The following LRP1B variants were observed in gnomAD, a reference collection of about 807,000 sequenced individuals.
LRP1B encodes the protein LDL receptor related protein 1B, also known as low-density lipoprotein receptor-related protein 1B.
In LRP1B, 217 loss-of-function variants were observed where a neutral mutation model predicts 556.6. That is an observed-to-expected ratio of 0.39 (90% CI 0.35 to 0.44). The LOEUF (loss-of-function observed/expected upper bound fraction) is 0.44, where lower values mean the gene tolerates loss of function less well. Among genes scored for constraint, LRP1B ranks in the 20% least tolerant of loss-of-function variants. The pLI, the probability that LRP1B is intolerant of heterozygous loss-of-function variation, is 1.00. For synonymous variants in LRP1B, 2,047 were observed against 1,865.8 expected, an observed-to-expected ratio of 1.10 and a Z score of -2.50; for missense variants, 5,053 against 5,620.8, an observed-to-expected ratio of 0.90 and a Z score of 3.23.
intron 2 of LRP1B, among the ~76,000 whole-genome samples, chr2:141,639,335 T>C (rs1186103796): frequency 2.3e-4 from 4 of 17,554 alleles, no homozygotes; most frequent in Non-Finnish European, 4.4e-4. Flanking sequence ...TATATATATA[T>C]ATATATATAT....
At chr2:140,892,633 T>C (rs1348304986) in intron 23 of LRP1B, among the ~76,000 whole-genome samples, 2 of 152,150 alleles carry the variant, frequency 1.3e-5, no homozygotes, top group African/African-American at 2.4e-5. Flanking sequence ...TACTTAGTCA[T>C]TGTAAGTAGA....
chr2:140,258,748 AGAG>A (rs1162638867), intron 86 of LRP1B, among the ~76,000 whole-genome samples: 1 of 152,158 alleles, frequency 6.6e-6, no homozygotes, highest in African/African-American at 2.4e-5. Context: ...AAAGAGGTTC[AGAG>A]AAGAACAATT....
intron 86 of LRP1B, among the ~76,000 whole-genome samples, chr2:140,266,071 A>G (rs1316812695): frequency 6.6e-6 from 1 of 151,980 alleles, no homozygotes; most frequent in Non-Finnish European, 1.5e-5. Context: ...GAATAGTGCA[A>G]AATAGTCTTC....
chr2:140,437,938 T>TATAACATGATACTTGTTATATAACTTAC (rs1686257200), intron 66 of LRP1B, among the ~76,000 whole-genome samples: 2 of 151,954 alleles, frequency 1.3e-5, no homozygotes, highest in African/African-American at 2.4e-5. Flanking sequence ...ATATAACTTA[T>TATAACATGATACTTGTTATATAACTTAC]ATAACATGAT....
chr2:140,251,674 CCTTT>C (rs1238644141), intron 86 of LRP1B, among the ~76,000 whole-genome samples: 2 of 151,710 alleles, frequency 1.3e-5, no homozygotes, highest in East Asian at 2.0e-4. Context: ...TTAATATACC[CCTTT>C]CTTTCTCTAC....
intron 15 of LRP1B, among the ~76,000 whole-genome samples, chr2:140,999,680 G>A (rs935463319): frequency 6.6e-6 from 1 of 152,006 alleles, no homozygotes; most frequent in African/African-American, 2.4e-5. Context: ...ACTGAAGCGT[G>A]TGCTTAGCTA....
At chr2:140,284,862 CTCTATGTATATA>C (rs1683066684) in intron 84 of LRP1B, among the ~76,000 whole-genome samples, 1 of 150,802 alleles carries the variant, frequency 6.6e-6, no homozygotes, top group Non-Finnish European at 1.5e-5. Context: ...GTGTAGAAAT[CTCTATGTATATA>C]TCTATCTATA....
At chr2:141,666,882 T>A (rs981982515) in intron 2 of LRP1B, among the ~76,000 whole-genome samples, 1 of 152,230 alleles carries the variant, frequency 6.6e-6, no homozygotes, top group Non-Finnish European at 1.5e-5. Flanking sequence ...ACAGTTTTCT[T>A]CATTAAACAC....
intron 47 of LRP1B, among the ~76,000 whole-genome samples, chr2:140,532,469 T>C (rs1690739584): frequency 6.6e-6 from 1 of 152,038 alleles, no homozygotes; most frequent in Non-Finnish European, 1.5e-5. Flanking sequence ...TGATCTCAAC[T>C]CACTGCAACC....
chr2:140,289,533 T>G (rs1007099757), intron 84 of LRP1B, among the ~76,000 whole-genome samples: 72 of 152,078 alleles, frequency 4.7e-4, no homozygotes, highest in African/African-American at 1.7e-3. Context: ...AAAACATACA[T>G]TGGTTTCTAA....
Position 142,109,720 on chromosome 2 carries a change from T to G in LRP1B, c.82+20928A>C, listed in dbSNP as rs936208058. Among the ~76,000 whole-genome samples, 5 of 152,304 alleles carry G rather than the reference T, an allele frequency of 3.3e-5. No individual in the cohort carries two copies. The South Asian group carries it at 1.0e-3, about 32-fold the overall frequency. On this transcript the variant is annotated intron_variant, in intron 1 of 90. Coordinates refer to ENST00000389484, the MANE Select transcript of LRP1B (RefSeq NM_018557.3). ...AAGATTAACATTGTACATATTTGTCTAAAATTACTGGTTTTAATTGCTTTG... is the reference window on the plus strand; with the variant it reads ...AAGATTAACATTGTACATATTTGTCGAAAATTACTGGTTTTAATTGCTTTG...
chr2:141,216,134 C>T (rs1682802276), intron 6 of LRP1B, among the ~76,000 whole-genome samples: 1 of 152,188 alleles, frequency 6.6e-6, no homozygotes, highest in African/African-American at 2.4e-5. Context: ...CTCTGCTGCT[C>T]TGCACAGCCT....
chr2:141,278,054 G>A (rs928948858), intron 3 of LRP1B, among the ~76,000 whole-genome samples: 1 of 152,028 alleles, frequency 6.6e-6, no homozygotes, highest in African/African-American at 2.4e-5. Context: ...ATTTCAACAA[G>A]CAAATTTATT....
chr2:140,649,409 G>A (rs76396308), intron 41 of LRP1B, among the ~76,000 whole-genome samples: 90 of 152,008 alleles, frequency 5.9e-4, no homozygotes, highest in African/African-American at 2.0e-3. Flanking sequence ...GCACTTTCAA[G>A]GGGAAAAAAA....
In LRP1B at chr2:141,530,372, G is replaced by T. The variant is rs575979404; in HGVS notation, c.206-49839C>A. Among the ~76,000 whole-genome samples the T allele has an allele frequency of 3.9e-5, 6 of 152,202 alleles. No individual in the cohort carries two copies. In the South Asian group the frequency reaches 1.2e-3, roughly 32 times the overall value. ...TTATTGCAGAGAGGTGACAGAACAG[G>T]AGGGAACTGTTCTTTTCACCTACCA... On this transcript the variant is annotated intron_variant, in intron 2 of 90. Transcript: ENST00000389484.
At chr2:141,308,701 T>A (rs903552953) in intron 3 of LRP1B, among the ~76,000 whole-genome samples, 2 of 152,136 alleles carry the variant, frequency 1.3e-5, no homozygotes, top group Admixed American at 1.3e-4. Flanking sequence ...TTTTTAGATA[T>A]GTAGAGTATC....
intron 86 of LRP1B, among the ~76,000 whole-genome samples, chr2:140,257,528 A>G (rs1681750967): frequency 6.6e-6 from 1 of 152,144 alleles, no homozygotes; most frequent in Non-Finnish European, 1.5e-5. Context: ...CGAAGCACAA[A>G]CTAGAGTTTA....
Position 140,850,095 on chromosome 2 carries a change from CTT to C in LRP1B, c.4939+5_4939+6del. On this transcript the variant is annotated splice_donor_5th_base_variant and intron_variant, in intron 29 of 90. Coordinates refer to ENST00000389484, the MANE Select transcript of LRP1B (RefSeq NM_018557.3). ...TTTTAAAGTTGTAACATGTACGAAT[CTT>C]TTACCTCTTGAAATAACAGTTTCTA... The C allele has an allele frequency of 6.4e-7, 1 of 1,560,408 alleles. No homozygotes were observed. Among genetic ancestry groups the C allele is most frequent in the Non-Finnish European group, 8.8e-7 (1 of 1,132,892 alleles).
intron 7 of LRP1B, among the ~76,000 whole-genome samples, chr2:141,137,645 G>A (rs1204677286): frequency 6.6e-6 from 1 of 151,816 alleles, no homozygotes; most frequent in Non-Finnish European, 1.5e-5. Flanking sequence ...AAAGCTGAGG[G>A]AAAAGGCTAA....
Sources: gnomAD v4.1 joint callset for allele counts (sites outside exome capture counted in the v4.1 genomes callset) on GRCh38, gnomAD v4.1.1 for gene constraint, MANE v1.5 for transcripts, NCBI Gene and HGNC (gene_info 2026-07-23, HGNC 2026-07-21) for gene names.